The following SDCCAG8 variants were observed in gnomAD, a reference collection of about 807,000 sequenced individuals.
The protein encoded by SDCCAG8 is SHH signaling and ciliogenesis regulator SDCCAG8, also known as serologically defined colon cancer antigen 8.
A neutral mutation model predicts 101.8 loss-of-function variants in SDCCAG8; 74 were observed. The ratio of observed to expected loss-of-function variants is 0.73; its 90% CI spans 0.60 to 0.88. The LOEUF (loss-of-function observed/expected upper bound fraction) is 0.88. SDCCAG8 is among the 40% of genes least tolerant of loss of function. The probability of loss-of-function intolerance (pLI) is 0.00; values close to 1 mark genes in which losing one functional copy is unlikely to be tolerated. For synonymous variants in SDCCAG8, 281 were observed against 292.9 expected (o/e 0.96, Z 0.41); for missense variants, 787 against 822.6 (o/e 0.96, Z 0.53).
intron 4 of SDCCAG8, among the ~76,000 whole-genome samples, chr1:243,277,631 G>A (rs139794045): frequency 3.7e-4 from 56 of 152,114 alleles, no homozygotes; most frequent in African/African-American, 1.3e-3. Flanking sequence ...CTTTCAATGA[G>A]CAGAAATTTT....
intron 12 of SDCCAG8, among the ~76,000 whole-genome samples, chr1:243,369,394 C>T (rs143761254): frequency 3.3e-5 from 5 of 152,252 alleles, no homozygotes; most frequent in African/African-American, 9.6e-5. Context: ...TCATGTCTCA[C>T]TCTTCATGCT....
intron 5 of SDCCAG8, among the ~76,000 whole-genome samples, chr1:243,291,476 G>C (rs1010993881): frequency 6.6e-6 from 1 of 152,158 alleles, no homozygotes; most frequent in African/African-American, 2.4e-5. Context: ...CCTTTGGATG[G>C]TACACATTTC....
In SDCCAG8 at chr1:243,344,326, G is replaced by A. The variant is rs1422257046; in HGVS notation, c.1468G>A (p.Asp490Asn). 1 of 1,602,280 alleles carries A rather than the reference G, an allele frequency of 6.2e-7. No individual in the cohort carries two copies. The highest frequency in any genetic ancestry group is 1.7e-5 in the Admixed American group (1 of 59,988). Residue 490 changes from aspartate (D) to asparagine (N), a missense_variant, in exon 12 of 18, where the codon GAT (aspartate) becomes AAT (asparagine). Coordinates refer to ENST00000366541, the MANE Select transcript of SDCCAG8 (RefSeq NM_006642.5). ...AKTNRDLEIK[D>N]QEIEKLRIEL... ...AACTAACAGGGATCTTGAAATTAAA[G>A]ATCAGGTAAGAGAGGACACAGCATA...
chr1:243,289,561 C>T (rs190840983), intron 5 of SDCCAG8, among the ~76,000 whole-genome samples: 8 of 152,166 alleles, frequency 5.3e-5, no homozygotes, highest in Non-Finnish European at 1.2e-4. Flanking sequence ...AAACTATTTA[C>T]GTTATATTAC....
chr1:243,419,155 T>C (rs2080812556), intron 15 of SDCCAG8, among the ~76,000 whole-genome samples: 1 of 152,112 alleles, frequency 6.6e-6, no homozygotes, highest in South Asian at 2.1e-4. Flanking sequence ...CAACTCTCCC[T>C]GCTCACCAGG....
intron 12 of SDCCAG8, among the ~76,000 whole-genome samples, chr1:243,369,721 T>C (rs2077181895): frequency 1.3e-5 from 2 of 152,120 alleles, no homozygotes; most frequent in African/African-American, 2.4e-5. Flanking sequence ...GTTTTTAACA[T>C]TGTGATTGAT....
intron 12 of SDCCAG8, among the ~76,000 whole-genome samples, chr1:243,370,887 T>A (rs1328211879): frequency 2.0e-5 from 3 of 152,140 alleles, no homozygotes; most frequent in Non-Finnish European, 4.4e-5. Context: ...AACTGAAAAG[T>A]TCCACAAAAA....
chr1:243,498,319 A>ATAG (rs1468634023), intron 17 of SDCCAG8, among the ~76,000 whole-genome samples: 1 of 152,222 alleles, frequency 6.6e-6, no homozygotes, highest in African/African-American at 2.4e-5. Flanking sequence ...GCTCTAGGGC[A>ATAG]TAGTGCATGG....
chr1:243,451,565 G>T (rs2083357485), intron 16 of SDCCAG8, among the ~76,000 whole-genome samples: 1 of 152,124 alleles, frequency 6.6e-6, no homozygotes, highest in South Asian at 2.1e-4. Flanking sequence ...CATATTCAGA[G>T]TAGCCTGCTT....
chr1:243,474,653 G>A lies in SDCCAG8; in HGVS notation c.1986-14361G>A, dbSNP rs1368058671. On this transcript the variant is annotated intron_variant, in intron 16 of 17. Transcript: ENST00000366541. This position sits in a 1 kb window ranked among gnomAD's most constrained non-coding sequence, Gnocchi z 4.7. Reference sequence around the variant, plus strand: ...AGGTGCTGGCGTGCGGGAGGCGCACGTGGAGCCCTGCGGTCTGTTCCACCT... The same window carrying A: ...AGGTGCTGGCGTGCGGGAGGCGCACATGGAGCCCTGCGGTCTGTTCCACCT... Among the ~76,000 whole-genome samples the A allele has an allele frequency of 1.3e-5, 2 of 152,240 alleles. No individual in the cohort carries two copies. Among genetic ancestry groups the A allele is most frequent in the African/African-American group, 4.8e-5 (2 of 41,466 alleles).
intron 12 of SDCCAG8, among the ~76,000 whole-genome samples, chr1:243,368,201 G>T (rs2077091938): frequency 2.4e-5 from 2 of 84,004 alleles, no homozygotes. Context: ...AAGACAATGA[G>T]ACCCTGTCTC....
intron 4 of SDCCAG8, among the ~76,000 whole-genome samples, chr1:243,285,680 G>T (rs112600808): frequency 6.6e-6 from 1 of 152,102 alleles, no homozygotes; most frequent in Non-Finnish European, 1.5e-5. Context: ...TTGTTGACCT[G>T]TAATTTCTTA....
chr1:243,382,713 G>A (rs1330883307), intron 13 of SDCCAG8, among the ~76,000 whole-genome samples: 1 of 152,198 alleles, frequency 6.6e-6, no homozygotes, highest in African/African-American at 2.4e-5. Flanking sequence ...AAATGGATGG[G>A]TTGAGAAGAG....
chr1:243,430,912 T>A (rs1451327796), intron 16 of SDCCAG8, among the ~76,000 whole-genome samples: 1 of 152,088 alleles, frequency 6.6e-6, no homozygotes, highest in Admixed American at 6.5e-5. Flanking sequence ...TCAAGACCAG[T>A]TATGGGCCGG....
intron 4 of SDCCAG8, among the ~76,000 whole-genome samples, chr1:243,284,874 G>A (rs1245320876): frequency 3.3e-5 from 5 of 152,004 alleles, no homozygotes; most frequent in Non-Finnish European, 5.9e-5. Flanking sequence ...TTCTATGACT[G>A]GGTCTTCCTG....
chr1:243,403,840 A>C (rs1430297776), intron 13 of SDCCAG8, among the ~76,000 whole-genome samples: 1 of 152,210 alleles, frequency 6.6e-6, no homozygotes, highest in Non-Finnish European at 1.5e-5. Context: ...TAATTATTTC[A>C]TTATATGTTA....
chr1:243,357,493 G>A (rs924283911), intron 12 of SDCCAG8, among the ~76,000 whole-genome samples: 1 of 152,204 alleles, frequency 6.6e-6, no homozygotes, highest in African/African-American at 2.4e-5. Context: ...CAATGGCTTG[G>A]TGGGCACCAA....
rs544343979 is a variant in SDCCAG8 at position 243,473,657 on chromosome 1, G to A, written c.1986-15357G>A. ...TTCTGTGCAGGCTCAAACTGGCAGC[G>A]TGTGCAAAAGTTCAAGAGTGTCTGG... is the stretch of plus-strand genomic sequence containing the variant. On this transcript the variant is annotated intron_variant, in intron 16 of 17. Coordinates refer to ENST00000366541, the MANE Select transcript of SDCCAG8 (RefSeq NM_006642.5). Among the ~76,000 whole-genome samples the A allele has an allele frequency of 1.1e-4, 17 of 152,268 alleles. No individual in the cohort carries two copies. The East Asian group carries it at 1.7e-3, about 16-fold the overall frequency.
intron 1 of SDCCAG8, among the ~76,000 whole-genome samples, chr1:243,265,775 T>C (rs534702819): frequency 6.6e-6 from 1 of 151,538 alleles, no homozygotes; most frequent in South Asian, 2.1e-4. Context: ...ATCGCACCAT[T>C]GCACTCCAGC....
Sources: allele counts gnomAD v4.1 joint callset (sites outside exome capture counted in the v4.1 genomes callset), GRCh38; gene constraint gnomAD v4.1.1; non-coding constraint Gnocchi (gnomAD v3.1); transcripts MANE v1.5; gene names NCBI Gene and HGNC (gene_info 2026-07-23, HGNC 2026-07-21).